TXNRD2: variants seen among roughly 807,000 people sequenced by gnomAD.
TXNRD2 encodes thioredoxin reductase 2.
A neutral mutation model predicts 70.8 loss-of-function variants in TXNRD2; 67 were observed. The ratio of observed to expected loss-of-function variants is 0.95; its 90% CI spans 0.78 to 1.16. The LOEUF (loss-of-function observed/expected upper bound fraction) is 1.16. Ranked by LOEUF, TXNRD2 falls within the 50% of genes most tolerant of loss-of-function variation. The pLI, the probability that TXNRD2 is intolerant of heterozygous loss-of-function variation, is 0.00. For missense variants in TXNRD2, 644 were observed against 719.9 expected, an observed-to-expected ratio of 0.89 and a Z score of 1.21; for synonymous variants, 301 against 295.8, an observed-to-expected ratio of 1.02 and a Z score of -0.18.
chr22:19,928,824 T>C (rs891458288), intron 2 of TXNRD2, among the ~76,000 whole-genome samples: 5 of 150,450 alleles, frequency 3.3e-5, no homozygotes, highest in Non-Finnish European at 7.4e-5. Context: ...TTGACAAACA[T>C]GGTGAAACCC....
intron 10 of TXNRD2, among the ~76,000 whole-genome samples, chr22:19,896,835 C>T (rs778310767): frequency 3.3e-5 from 5 of 152,192 alleles, no homozygotes; most frequent in Non-Finnish European, 7.4e-5. Flanking sequence ...GCTGGCTGTG[C>T]TGCAGAGGGG....
chr22:19,889,595 G>A (rs1212597554), intron 11 of TXNRD2, among the ~76,000 whole-genome samples: 1 of 151,934 alleles, frequency 6.6e-6, no homozygotes, highest in Non-Finnish European at 1.5e-5. Context: ...GGGCAACAGA[G>A]CTAGACACCG....
At chr22:19,919,082 G>C (rs990104207) in intron 3 of TXNRD2, 78 bp from the exon 4 acceptor site, 5 of 1,487,486 alleles carry the variant, frequency 3.4e-6, no homozygotes, top group Non-Finnish European at 4.6e-6. Flanking sequence ...AGAGTGTTTG[G>C]AATTCCTTAA....
intron 11 of TXNRD2, chr22:19,891,739 C>T (rs191995003): frequency 6.6e-6 from 1 of 152,324 alleles, no homozygotes; most frequent in Non-Finnish European, 1.5e-5. Flanking sequence ...CACTGAAGTT[C>T]CCAGTCTATT....
intron 2 of TXNRD2, among the ~76,000 whole-genome samples, chr22:19,920,012 C>T (rs1940835913): frequency 6.6e-6 from 1 of 152,184 alleles, no homozygotes; most frequent in South Asian, 2.1e-4. Flanking sequence ...CCCCAGGTAG[C>T]CACTCACCGG....
rs542325580 is a variant in TXNRD2 at position 19,898,966 on chromosome 22, C to T, written c.682+83G>A. ...CGATCTGAGGCAGCAAAGAGCCTGCCGGAAGGGCGGGTGGCAGGGAGGGAC... is the reference window on the plus strand; with the variant it reads ...CGATCTGAGGCAGCAAAGAGCCTGCTGGAAGGGCGGGTGGCAGGGAGGGAC... On this transcript the variant is annotated intron_variant, in intron 9 of 17. Coordinates refer to ENST00000400521, the MANE Select transcript of TXNRD2 (RefSeq NM_006440.5). 4.0e-5 allele frequency: 62 copies of T among 1,568,614 alleles called. No individual in the cohort carries two copies. The African/African-American group carries it at 5.4e-4, about 14-fold the overall frequency.
At chr22:19,898,510 C>CTT (rs386394954) in intron 9 of TXNRD2, among the ~76,000 whole-genome samples, 13,084 of 94,290 alleles carry the variant, frequency 0.14, 922 homozygotes, top group Admixed American at 0.15. Context: ...CGGCTTGGGG[C>CTT]TTTTTTTTTT....
intron 2 of TXNRD2, 55 bp downstream of exon 2, chr22:19,930,975 C>G (rs1941335355): frequency 6.5e-7 from 1 of 1,548,582 alleles, no homozygotes; most frequent in Non-Finnish European, 8.9e-7. Flanking sequence ...GCACCACCCT[C>G]TCTAGGGGCC....
chr22:19,933,153 C>A (rs567677014), intron 1 of TXNRD2, among the ~76,000 whole-genome samples: 11 of 152,238 alleles, frequency 7.2e-5, no homozygotes, highest in African/African-American at 2.4e-4. Context: ...TCTGAGTGCA[C>A]GTGAGATGTG....
chr22:19,886,654 T>C (rs1156362063), intron 11 of TXNRD2, among the ~76,000 whole-genome samples: 1 of 152,272 alleles, frequency 6.6e-6, no homozygotes, highest in Non-Finnish European at 1.5e-5. Context: ...GAAGGGTGCC[T>C]GCACCGGTGT....
rs1941612314 is a variant in TXNRD2 at position 19,938,846 on chromosome 22, G to C, written c.103+2855C>G. Among the ~76,000 whole-genome samples, 3 of 152,144 alleles carry C rather than the reference G, an allele frequency of 2.0e-5. No individual in the cohort carries two copies. The South Asian group carries it at 6.2e-4, about 32-fold the overall frequency. On this transcript the variant is annotated intron_variant, in intron 1 of 17. Transcript: ENST00000400521. ...TAAACCTCTTCAAGTTACTGTAAAA[G>C]AAGACAAGGCTGGTTTAAAAGCATA... is the stretch of plus-strand genomic sequence containing the variant.
At chr22:19,914,542 A>T (rs990450339) in intron 7 of TXNRD2, among the ~76,000 whole-genome samples, 1 of 152,234 alleles carries the variant, frequency 6.6e-6, no homozygotes, top group African/African-American at 2.4e-5. Flanking sequence ...CGTACCAGTT[A>T]CATGAGAAGG....
At chr22:19,928,475 T>C (rs1255501179) in intron 2 of TXNRD2, among the ~76,000 whole-genome samples, 1 of 152,138 alleles carries the variant, frequency 6.6e-6, no homozygotes, top group Non-Finnish European at 1.5e-5. Context: ...AAGAGGAAGA[T>C]GACATACAGC....
At chr22:19,892,529 G>A in intron 11 of TXNRD2, among the ~76,000 whole-genome samples, 1 of 152,262 alleles carries the variant, frequency 6.6e-6, no homozygotes, top group Non-Finnish European at 1.5e-5. Flanking sequence ...GGGCGTGCAG[G>A]CCACGGCAGC....
chr22:19,934,380 C>CGGAAA (rs1941468022), intron 1 of TXNRD2, among the ~76,000 whole-genome samples: 1 of 45,374 alleles, frequency 2.2e-5, no homozygotes. Flanking sequence ...GACTCTGTCT[C>CGGAAA]AGAAAAAAAA....
chr22:19,888,179 G>A (rs1305976881), intron 11 of TXNRD2, among the ~76,000 whole-genome samples: 2 of 152,222 alleles, frequency 1.3e-5, no homozygotes, highest in Non-Finnish European at 2.9e-5. Flanking sequence ...CCTGACGCAG[G>A]ACAGCCCATC....
chr22:19,910,009 G>T (rs139219500), intron 8 of TXNRD2, among the ~76,000 whole-genome samples: 11 of 128,634 alleles, frequency 8.6e-5, no homozygotes, highest in Non-Finnish European at 1.7e-4. Flanking sequence ...ACACACATCT[G>T]CACGCACACC....
At chr22:19,905,914 TA>T (rs35285035) in intron 8 of TXNRD2, among the ~76,000 whole-genome samples, 27,903 of 132,242 alleles carry the variant, frequency 0.21, 3,798 homozygotes, top group African/African-American at 0.41. Context: ...ATACAGGGCT[TA>T]AAAAAAAAAA....
intron 2 of TXNRD2, 67 bp downstream of exon 2, chr22:19,930,963 C>G: frequency 6.8e-7 from 1 of 1,472,334 alleles, no homozygotes; most frequent in Non-Finnish European, 9.5e-7. Context: ...GTTTTCTGGA[C>G]AGCACCACCC....
Sources: allele counts gnomAD v4.1 joint callset (sites outside exome capture counted in the v4.1 genomes callset), GRCh38; gene constraint gnomAD v4.1.1; transcripts MANE v1.5; gene names NCBI Gene and HGNC (gene_info 2026-07-23, HGNC 2026-07-21).